Variants in SLC35D4 observed in about 807,000 individuals in gnomAD.
The protein encoded by SLC35D4 is UDP-N-acetylglucosamine transporter SLC35D4.
chr18:23,408,004 G>A, the SLC35D4 span, among the ~76,000 whole-genome samples: 1 of 152,140 alleles, frequency 6.6e-6, no homozygotes, highest in African/African-American at 2.4e-5. Context: ...GCTGGCTGCT[G>A]TTTCCTCTGC....
chr18:23,398,162 A>G, the SLC35D4 span, among the ~76,000 whole-genome samples: 1 of 152,208 alleles, frequency 6.6e-6, no homozygotes, highest in African/African-American at 2.4e-5. Context: ...TCCTCTGTCA[A>G]GTGGTTAGCA....
the SLC35D4 span, among the ~76,000 whole-genome samples, chr18:23,241,203 G>A: frequency 3.9e-5 from 6 of 152,078 alleles, no homozygotes; most frequent in Non-Finnish European, 7.4e-5. Flanking sequence ...CCCATGTCAT[G>A]TGTGTCAGTA....
the SLC35D4 span, among the ~76,000 whole-genome samples, chr18:23,357,254 A>G: frequency 6.6e-6 from 1 of 152,184 alleles, no homozygotes; most frequent in Non-Finnish European, 1.5e-5. Flanking sequence ...GGCCAGACCA[A>G]CTGTGCAAAT....
At chr18:23,311,104 CTT>C in the SLC35D4 span, among the ~76,000 whole-genome samples, 48 of 142,172 alleles carry the variant, frequency 3.4e-4, no homozygotes, top group Admixed American at 4.9e-4. Context: ...TTTCTCTTCC[CTT>C]TTTTTTTTTT....
chr18:23,354,345 C>CAAAAA, the SLC35D4 span, among the ~76,000 whole-genome samples: 35 of 99,118 alleles, frequency 3.5e-4, no homozygotes, highest in African/African-American at 7.2e-4. Flanking sequence ...ACTAAAAATA[C>CAAAAA]AAAAAAAAAA....
chr18:23,344,600 C>CTTTT, the SLC35D4 span, among the ~76,000 whole-genome samples: 1 of 126,072 alleles, frequency 7.9e-6, no homozygotes, highest in Non-Finnish European at 1.7e-5. Context: ...TTTTTTTCTT[C>CTTTT]TTTTTTTTTT....
At chr18:23,277,208 G>A in the SLC35D4 span, among the ~76,000 whole-genome samples, 1 of 152,216 alleles carries the variant, frequency 6.6e-6, no homozygotes, top group Admixed American at 6.5e-5. Flanking sequence ...CATGTTGGGG[G>A]AGGGACCCAG....
chr18:23,321,496 G>A, the SLC35D4 span, among the ~76,000 whole-genome samples: 19 of 151,748 alleles, frequency 1.3e-4, no homozygotes, highest in African/African-American at 2.9e-4. Flanking sequence ...TTGCTCTGTC[G>A]CCCAGGCTGG....
At chr18:23,387,421 T>C in the SLC35D4 span, among the ~76,000 whole-genome samples, 2 of 152,112 alleles carry the variant, frequency 1.3e-5, no homozygotes, top group African/African-American at 2.4e-5. Context: ...CCAAATACTA[T>C]AGGTTAAGGA....
chr18:23,316,520 G>A, the SLC35D4 span, among the ~76,000 whole-genome samples: 2 of 152,138 alleles, frequency 1.3e-5, no homozygotes, highest in African/African-American at 4.8e-5. Context: ...TTATTAACAA[G>A]GGACAACTCA....
At chr18:23,339,333 T>C in the SLC35D4 span, among the ~76,000 whole-genome samples, 1 of 152,260 alleles carries the variant, frequency 6.6e-6, no homozygotes, top group African/African-American at 2.4e-5. Flanking sequence ...TTGCTGCATA[T>C]TTCCTACTTT....
the SLC35D4 span, among the ~76,000 whole-genome samples, chr18:23,279,828 CACATATAT>C: frequency 2.0e-5 from 3 of 152,152 alleles, no homozygotes; most frequent in Non-Finnish European, 4.4e-5. Flanking sequence ...CTCACACACA[CACATATAT>C]ACATATATAC....
chr18:23,306,774 A>G, the SLC35D4 span, among the ~76,000 whole-genome samples: 1 of 152,228 alleles, frequency 6.6e-6, no homozygotes, highest in African/African-American at 2.4e-5. Context: ...GCCAAGTAAT[A>G]TATAGGAACT....
chr18:23,249,517 G>T, the SLC35D4 span, among the ~76,000 whole-genome samples: 7 of 152,212 alleles, frequency 4.6e-5, no homozygotes, highest in Admixed American at 4.6e-4. Context: ...CAGAGACTGT[G>T]ACTCAGTGGG....
chr18:23,432,842 A>ATGGTTG, the SLC35D4 span, among the ~76,000 whole-genome samples: 1 of 151,570 alleles, frequency 6.6e-6, no homozygotes, highest in African/African-American at 2.4e-5. Context: ...TTAGCCGGAC[A>ATGGTTG]TGGTTGTGCA....
At chr18:23,344,333 T>C in the SLC35D4 span, among the ~76,000 whole-genome samples, 1 of 152,204 alleles carries the variant, frequency 6.6e-6, no homozygotes, top group South Asian at 2.1e-4. Flanking sequence ...GCATGTGTCT[T>C]TATGGTAGTA....
At chr18:23,241,337 C>T in the SLC35D4 span, among the ~76,000 whole-genome samples, 1 of 151,974 alleles carries the variant, frequency 6.6e-6, no homozygotes, top group Non-Finnish European at 1.5e-5. Flanking sequence ...TTAAGACCAG[C>T]CTGGCTAACG....
the SLC35D4 span, among the ~76,000 whole-genome samples, chr18:23,283,094 T>A: frequency 6.6e-6 from 1 of 152,166 alleles, no homozygotes; most frequent in Non-Finnish European, 1.5e-5. Context: ...ATTGTAATGT[T>A]ACCAGACAGG....
the SLC35D4 span, among the ~76,000 whole-genome samples, chr18:23,394,875 C>T: frequency 2.1e-5 from 3 of 143,884 alleles, no homozygotes; most frequent in African/African-American, 5.1e-5. Context: ...CCCAGCTAGT[C>T]GGGAGGCTGA....
Sources: gnomAD v4.1 joint callset for allele counts (sites outside exome capture counted in the v4.1 genomes callset) on GRCh38, gnomAD v4.1.1 for gene constraint, MANE v1.5 for transcripts, NCBI Gene and HGNC (gene_info 2026-07-23, HGNC 2026-07-21) for gene names.